The following PEX7 variants were observed in gnomAD, a reference collection of about 807,000 sequenced individuals.
PEX7 encodes peroxisomal biogenesis factor 7.
Under a neutral mutation model 47.5 loss-of-function variants are expected in PEX7, and 34 were observed. That is an observed-to-expected ratio of 0.72 (90% CI 0.54 to 0.95). The LOEUF is 0.95. Among genes scored for constraint, PEX7 ranks in the 40% least tolerant of loss-of-function variants. PEX7 has a pLI of 0.00. For synonymous variants in PEX7, 141 were observed against 148.8 expected, an observed-to-expected ratio of 0.95 and a Z score of 0.38; for missense variants, 394 against 400.3, an observed-to-expected ratio of 0.98 and a Z score of 0.13.
chr6:136,888,995 G>A (rs1249209534), intron 8 of PEX7, among the ~76,000 whole-genome samples: 1 of 152,118 alleles, frequency 6.6e-6, no homozygotes, highest in Non-Finnish European at 1.5e-5. Context: ...TAAAGTGACA[G>A]ATAAACATTT....
chr6:136,853,511 T>C (rs1774798641), intron 5 of PEX7, among the ~76,000 whole-genome samples: 1 of 152,230 alleles, frequency 6.6e-6, no homozygotes, highest in South Asian at 2.1e-4. Flanking sequence ...TGTTGAATTA[T>C]GTTGATTGGC....
At chr6:136,866,060 C>T (rs565303298) in intron 5 of PEX7, among the ~76,000 whole-genome samples, 3 of 151,556 alleles carry the variant, frequency 2.0e-5, no homozygotes, top group East Asian at 1.9e-4. Flanking sequence ...TCCAGCCTGG[C>T]GACAGAGTGA....
chr6:136,864,349 A>G (rs1775020353), intron 5 of PEX7, among the ~76,000 whole-genome samples: 2 of 152,214 alleles, frequency 1.3e-5, no homozygotes, highest in South Asian at 2.1e-4. Flanking sequence ...AGCTTACTGC[A>G]TATCTTTTGC....
chr6:136,896,107 T>A (rs928667007), intron 8 of PEX7, among the ~76,000 whole-genome samples: 2 of 152,184 alleles, frequency 1.3e-5, no homozygotes, highest in African/African-American at 4.8e-5. Flanking sequence ...GCCCACCTTA[T>A]CTTATCTCAG....
At position 136,913,440 on chromosome 6, in the gene PEX7, T is replaced by A. The variant is rs1332355442; in HGVS notation, c.904-18T>A. 5 of 1,588,120 alleles carry A rather than the reference T, an allele frequency of 3.1e-6. No homozygotes were observed. Among genetic ancestry groups the A allele is most frequent in the Non-Finnish European group, 4.3e-6 (5 of 1,157,114 alleles). ...TATGTCTAAATACGTTTCTTCTTAC[T>A]TCATTTTTGTTTTCTAGGTGGCTGA... On this transcript the variant is annotated intron_variant, in intron 9 of 9. Transcript: ENST00000318471.
At chr6:136,824,380 T>C (rs889760357) in intron 1 of PEX7, among the ~76,000 whole-genome samples, 6 of 152,084 alleles carry the variant, frequency 3.9e-5, no homozygotes, top group African/African-American at 1.4e-4. Context: ...TTTGATTTTT[T>C]ATTTTTGTAG....
At position 136,850,233 on chromosome 6, in the gene PEX7, A is replaced by G. The variant is rs138718628; in HGVS notation, c.526+4052A>G. Among the ~76,000 whole-genome samples the G allele has an allele frequency of 2.7e-4, 41 of 149,362 alleles. No individual in the cohort carries two copies. The East Asian group carries it at 7.3e-3, about 27-fold the overall frequency. On this transcript the variant is annotated intron_variant, in intron 5 of 9. Transcript: ENST00000318471. ...TTGGTAGATCTTCCTTCATCCCTTTATTTTGAGCCTTTATGTGTCTCTGCA... is the reference window on the plus strand; with the variant it reads ...TTGGTAGATCTTCCTTCATCCCTTTGTTTTGAGCCTTTATGTGTCTCTGCA...
intron 5 of PEX7, among the ~76,000 whole-genome samples, chr6:136,848,859 G>C (rs1774682822): frequency 6.6e-6 from 1 of 152,234 alleles, no homozygotes; most frequent in Non-Finnish European, 1.5e-5. Context: ...TATGCTGCTG[G>C]CCTCATAAAA....
intron 6 of PEX7, among the ~76,000 whole-genome samples, chr6:136,867,542 G>GGATA (rs1409216565): frequency 6.6e-6 from 1 of 151,782 alleles, no homozygotes; most frequent in Non-Finnish European, 1.5e-5. Flanking sequence ...TATAAACTAA[G>GGATA]GATATAAAGA....
chr6:136,832,612 C>G (rs565147598), intron 3 of PEX7, among the ~76,000 whole-genome samples: 1 of 152,284 alleles, frequency 6.6e-6, no homozygotes, highest in East Asian at 1.9e-4. Context: ...ATATAAGTTC[C>G]AAATTCAAAT....
intron 3 of PEX7, among the ~76,000 whole-genome samples, chr6:136,827,614 A>G (rs1774219256): frequency 6.6e-6 from 1 of 150,668 alleles, no homozygotes; most frequent in African/African-American, 2.5e-5. Context: ...TGCAACCTCC[A>G]CCTTCTGGAA....
intron 3 of PEX7, among the ~76,000 whole-genome samples, chr6:136,829,470 A>AC (rs1362898434): frequency 3.3e-5 from 5 of 151,938 alleles, no homozygotes; most frequent in African/African-American, 7.2e-5. Flanking sequence ...TGACCTAATT[A>AC]CCCCCCAGAG....
At chr6:136,894,603 G>A (rs1182017298) in intron 8 of PEX7, among the ~76,000 whole-genome samples, 2 of 151,970 alleles carry the variant, frequency 1.3e-5, no homozygotes, top group African/African-American at 4.8e-5. Context: ...AAAAATAAAA[G>A]TAATAATAAA....
intron 9 of PEX7, among the ~76,000 whole-genome samples, chr6:136,909,801 G>A (rs1562761154): frequency 6.6e-6 from 1 of 152,166 alleles, no homozygotes; most frequent in Non-Finnish European, 1.5e-5. Flanking sequence ...ACATTTGGTA[G>A]TTATTATAAG....
At chr6:136,879,850 G>A (rs904054216) in intron 8 of PEX7, among the ~76,000 whole-genome samples, 6 of 151,260 alleles carry the variant, frequency 4.0e-5, no homozygotes, top group Admixed American at 1.3e-4. Flanking sequence ...TTTTCCTGTT[G>A]TCCTCAATGC....
chr6:136,879,882 A>C (rs78461268), intron 8 of PEX7, among the ~76,000 whole-genome samples: 6,340 of 151,482 alleles, frequency 0.042, 147 homozygotes, highest in African/African-American at 0.072. Context: ...TTTTGTGTGA[A>C]TCTGCTCTTC....
chr6:136,893,519 G>T (rs141150635), intron 8 of PEX7, among the ~76,000 whole-genome samples: 186 of 152,264 alleles, frequency 1.2e-3, no homozygotes, highest in African/African-American at 4.4e-3. Context: ...AAACATGTCA[G>T]TTGATCCCAC....
intron 5 of PEX7, among the ~76,000 whole-genome samples, chr6:136,865,578 C>T (rs757465123): frequency 7.2e-5 from 11 of 152,226 alleles, no homozygotes; most frequent in Admixed American, 6.5e-4. Flanking sequence ...GGATTACAGG[C>T]GTGAGCCACC....
At chr6:136,862,443 A>G (rs963766701) in intron 5 of PEX7, among the ~76,000 whole-genome samples, 11 of 151,052 alleles carry the variant, frequency 7.3e-5, no homozygotes, top group African/African-American at 2.7e-4. Flanking sequence ...TGGTGCGATC[A>G]TGGCTCACTG....
Sources: allele counts gnomAD v4.1 joint callset (sites outside exome capture counted in the v4.1 genomes callset), GRCh38; gene constraint gnomAD v4.1.1; transcripts MANE v1.5; gene names NCBI Gene and HGNC (gene_info 2026-07-23, HGNC 2026-07-21).